CMIP: variants seen among roughly 807,000 people sequenced by gnomAD.
CMIP encodes the protein C-Maf-inducing protein.
Under a neutral mutation model 97.3 loss-of-function variants are expected in CMIP, and 13 were observed. The ratio of observed to expected loss-of-function variants is 0.13; its 90% CI spans 0.09 to 0.21. CMIP has a LOEUF of 0.21. Ranked by LOEUF, CMIP falls within the 10% of genes least tolerant of loss-of-function variation. The pLI, the probability that CMIP is intolerant of heterozygous loss-of-function variation, is 1.00. For synonymous variants in CMIP, 538 were observed against 436.3 expected, an observed-to-expected ratio of 1.23 and a Z score of -2.91; for missense variants, 847 against 1,024.9, an observed-to-expected ratio of 0.83 and a Z score of 2.37.
intron 1 of CMIP, among the ~76,000 whole-genome samples, chr16:81,501,004 C>T (rs556469957): frequency 2.6e-5 from 4 of 152,338 alleles, no homozygotes; most frequent in East Asian, 3.9e-4. Context: ...CAAGTTTTTA[C>T]GAGCAAATCT....
In CMIP at chr16:81,627,895, C is replaced by T. The variant is rs1261106398; in HGVS notation, c.477+6969C>T. Reference sequence around the variant, plus strand: ...ACCCTCAAAGTCCCCAGCACCAAGGCAAAGTGCCTGGGGCTCAGAGAGGGG... The same window carrying T: ...ACCCTCAAAGTCCCCAGCACCAAGGTAAAGTGCCTGGGGCTCAGAGAGGGG... On this transcript the variant is annotated intron_variant, in intron 3 of 20. Coordinates refer to ENST00000537098, the MANE Select transcript of CMIP (RefSeq NM_198390.3). This position sits in a 1 kb window ranked among gnomAD's most constrained non-coding sequence, Gnocchi z 4.6. 6.6e-6 allele frequency among the ~76,000 whole-genome samples: 1 copy of T among 152,146 alleles called. No homozygotes were observed. The highest frequency in any genetic ancestry group is 1.5e-5 in the Non-Finnish European group (1 of 68,008).
chr16:81,685,952 G>T (rs1905339315), intron 10 of CMIP, among the ~76,000 whole-genome samples: 2 of 152,196 alleles, frequency 1.3e-5, no homozygotes, highest in African/African-American at 4.8e-5. Flanking sequence ...TGAGAGGGTG[G>T]AGCACAGACA....
chr16:81,594,618 T>C (rs965958991), intron 1 of CMIP, among the ~76,000 whole-genome samples: 9 of 152,002 alleles, frequency 5.9e-5, no homozygotes, highest in African/African-American at 2.2e-4. Context: ...GTTTTTGTTT[T>C]TGTTTTTGTT....
chr16:81,659,902 C>T (rs938983711), intron 5 of CMIP, among the ~76,000 whole-genome samples: 1 of 152,226 alleles, frequency 6.6e-6, no homozygotes, highest in African/African-American at 2.4e-5. Context: ...TTGCTGTTGT[C>T]ATTATTATGA....
chr16:81,479,363 T>A (rs1359750884), intron 1 of CMIP, among the ~76,000 whole-genome samples: 1 of 152,154 alleles, frequency 6.6e-6, no homozygotes, highest in African/African-American at 2.4e-5. Flanking sequence ...ACACGTAACA[T>A]AAAATGGGCC....
chr16:81,635,610 G>C (rs558761936), intron 3 of CMIP, among the ~76,000 whole-genome samples: 65 of 152,324 alleles, frequency 4.3e-4, no homozygotes, highest in African/African-American at 1.5e-3. Context: ...AGTAATTGCA[G>C]TTTTTGCCGT....
intron 1 of CMIP, among the ~76,000 whole-genome samples, chr16:81,577,689 TATCACTATCACCATCACCATC>T (rs2091219994): frequency 6.8e-6 from 1 of 146,246 alleles, no homozygotes; most frequent in South Asian, 2.2e-4. Flanking sequence ...ACTACATTAT[TATCACTATCACCATCACCATC>T]ATCACCATCA....
chr16:81,473,175 G>A (rs1597458223), intron 1 of CMIP, among the ~76,000 whole-genome samples: 1 of 152,210 alleles, frequency 6.6e-6, no homozygotes, highest in Non-Finnish European at 1.5e-5. Context: ...GGTGGCCACC[G>A]CCTGCAAGTG....
chr16:81,603,473 C>T (rs753536758), intron 1 of CMIP: 4 of 454,508 alleles, frequency 8.8e-6, no homozygotes, highest in East Asian at 6.9e-5. Context: ...CACACATCCG[C>T]AGTCTGCTTC....
intron 2 of CMIP, among the ~76,000 whole-genome samples, chr16:81,608,956 C>T (rs1352471759): frequency 1.3e-5 from 2 of 152,186 alleles, no homozygotes; most frequent in East Asian, 3.9e-4. Flanking sequence ...GATTGTGTAA[C>T]AGCATTGGGC....
At position 81,616,198 on chromosome 16, in the gene CMIP, C is replaced by T. The variant is rs2091915969; in HGVS notation, c.427-4678C>T. On this transcript the variant is annotated intron_variant, in intron 2 of 20. Transcript: ENST00000537098. This position sits in a 1 kb window ranked among gnomAD's most constrained non-coding sequence, Gnocchi z 4.7. ...AACACCAGGCTCACTGGAGCAGTCG[C>T]AGTTAATCCTACGTGGATCCTGCCT... Among the ~76,000 whole-genome samples the T allele has an allele frequency of 2.0e-5, 3 of 150,192 alleles. No individual in the cohort carries two copies. The highest frequency in any genetic ancestry group is 2.1e-4 in the South Asian group (1 of 4,770).
At position 81,626,816 on chromosome 16, in the gene CMIP, T is replaced by TGGGG. The variant is rs772134962; in HGVS notation, c.477+5891_477+5894dup. On this transcript the variant is annotated intron_variant, in intron 3 of 20. Transcript: ENST00000537098. ...GTGTGTGTGTGTGTGTGTGTGTGTG[T>TGGGG]GGGGTGCATATGGGGTGACTATTTT... 1.6e-3 allele frequency among the ~76,000 whole-genome samples: 187 copies of TGGGG among 118,666 alleles called. 4 individuals carry two copies. Among genetic ancestry groups the TGGGG allele is most frequent in the African/African-American group, 5.4e-3 (172 of 31,940 alleles). 77.8% of individuals were successfully genotyped at this position (118,666 alleles called of 152,430 possible). A position where few individuals can be genotyped will look rare whatever the true frequency, so the allele number is the denominator to read the frequency against.
rs546868818 is a variant in CMIP at position 81,606,449 on chromosome 16, C to T, written c.301-1118C>T. Reference sequence around the variant, plus strand: ...CTGGAGCCAAAGTGACAAGGACACCCGCTTTGGCTCCTGGTGGCCATTGTA... The same window carrying T: ...CTGGAGCCAAAGTGACAAGGACACCTGCTTTGGCTCCTGGTGGCCATTGTA... On this transcript the variant is annotated intron_variant, in intron 1 of 20. Coordinates refer to ENST00000537098, the MANE Select transcript of CMIP (RefSeq NM_198390.3). 2.0e-4 allele frequency among the ~76,000 whole-genome samples: 30 copies of T among 152,260 alleles called. No homozygotes were observed. In the South Asian group the frequency reaches 3.5e-3, roughly 18 times the overall value.
At chr16:81,663,738 C>A (rs1029493680) in intron 6 of CMIP, among the ~76,000 whole-genome samples, 8 of 152,188 alleles carry the variant, frequency 5.3e-5, no homozygotes, top group African/African-American at 1.9e-4. Flanking sequence ...GAGGCAAGGG[C>A]TGTGTCCACC....
chr16:81,502,979 CG>C (rs1011216072), intron 1 of CMIP, among the ~76,000 whole-genome samples: 6 of 152,120 alleles, frequency 3.9e-5, no homozygotes, highest in African/African-American at 1.4e-4. Context: ...GATATGTTTG[CG>C]TGATGTCGTG....
At chr16:81,668,630 C>G (rs1420416079) in intron 7 of CMIP, among the ~76,000 whole-genome samples, 1 of 152,236 alleles carries the variant, frequency 6.6e-6, no homozygotes, top group Non-Finnish European at 1.5e-5. Context: ...GGGCCTGGTG[C>G]AGGCGCTGCT....
At chr16:81,556,526 G>A (rs1173874351) in intron 1 of CMIP, among the ~76,000 whole-genome samples, 2 of 152,144 alleles carry the variant, frequency 1.3e-5, no homozygotes, top group East Asian at 3.9e-4. Context: ...TTTATCAGTG[G>A]CCCTCCTAAT....
At chr16:81,702,036 C>G (rs998522613) in intron 16 of CMIP, among the ~76,000 whole-genome samples, 2 of 152,262 alleles carry the variant, frequency 1.3e-5, no homozygotes, top group Non-Finnish European at 2.9e-5. Context: ...CCCACCCTCC[C>G]TCCTCCATGT....
Position 81,568,573 on chromosome 16 carries a change from C to T in CMIP, c.301-38994C>T, listed in dbSNP as rs1326540465. 3.9e-5 allele frequency among the ~76,000 whole-genome samples: 6 copies of T among 152,192 alleles called. No homozygotes were observed. In the East Asian group the frequency reaches 5.8e-4, roughly 15 times the overall value. On this transcript the variant is annotated intron_variant, in intron 1 of 20. Transcript: ENST00000537098. ...TGAAGGCCTGATGGGGAGGAGGACC[C>T]GGCATGACAGCCCTTGGCTTGCTGG... is the stretch of plus-strand genomic sequence containing the variant.
Sources: allele counts gnomAD v4.1 joint callset (sites outside exome capture counted in the v4.1 genomes callset), GRCh38; gene constraint gnomAD v4.1.1; non-coding constraint Gnocchi (gnomAD v3.1); transcripts MANE v1.5; gene names NCBI Gene and HGNC (gene_info 2026-07-23, HGNC 2026-07-21).